The following VPS37A variants were observed in gnomAD, a reference collection of about 807,000 sequenced individuals.
VPS37A encodes VPS37A subunit of ESCRT-I, also known as vacuolar protein sorting-associated protein 37A.
A neutral mutation model predicts 49.8 loss-of-function variants in VPS37A; 30 were observed. The ratio of observed to expected loss-of-function variants is 0.60; its 90% confidence interval spans 0.45 to 0.82. The LOEUF is 0.82. Among genes scored for constraint, VPS37A ranks in the 40% least tolerant of loss-of-function variants. The pLI, the probability that VPS37A is intolerant of heterozygous loss-of-function variation, is 0.00. For synonymous variants in VPS37A, 195 were observed against 160.6 expected, an observed-to-expected ratio of 1.21 and a Z score of -1.62; for missense variants, 593 against 464.4, an observed-to-expected ratio of 1.28 and a Z score of -2.55.
chr8:17,276,887 A>G (rs1318628466), intron 6 of VPS37A, among the ~76,000 whole-genome samples: 1 of 152,148 alleles, frequency 6.6e-6, no homozygotes, highest in African/African-American at 2.4e-5. Flanking sequence ...TACAGATCCA[A>G]ACTTTTTTTC....
chr8:17,280,352 A>C lies in VPS37A; in HGVS notation c.901-23A>C, dbSNP rs1305285153. ...ACATAATTTAAAAATAGAATAAAAC[A>C]ACCTTTTCATTTTCTCTTTTAGTAT... is the stretch of plus-strand genomic sequence containing the variant. On this transcript the variant is annotated intron_variant, in intron 8 of 11. Transcript: ENST00000324849. The C allele has an allele frequency of 3.7e-6, 6 of 1,602,406 alleles. No homozygotes were observed. In the East Asian group the frequency reaches 1.3e-4, roughly 36 times the overall value.
intron 3 of VPS37A, 73 bp downstream of exon 3, chr8:17,268,445 T>C: frequency 1.7e-6 from 2 of 1,158,362 alleles, no homozygotes; most frequent in South Asian, 3.1e-5. Flanking sequence ...ATTTTAGAAA[T>C]CTGAAATGCA....
the VPS37A span, among the ~76,000 whole-genome samples, chr8:17,308,174 T>TA: frequency 6.6e-6 from 1 of 150,856 alleles, no homozygotes; most frequent in African/African-American, 2.4e-5. Flanking sequence ...TTACTGCAAA[T>TA]CAAAAAAAAA....
At chr8:17,250,395 T>A (rs1811862755) in intron 1 of VPS37A, among the ~76,000 whole-genome samples, 1 of 152,184 alleles carries the variant, frequency 6.6e-6, no homozygotes, top group African/African-American at 2.4e-5. Context: ...ATTCTAAAGG[T>A]GTGGTGTGTA....
downstream of VPS37A, chr8:17,305,753 T>C (rs1405011691): frequency 6.2e-7 from 1 of 1,602,864 alleles, no homozygotes; most frequent in South Asian, 1.1e-5. Flanking sequence ...ACCAAAACAC[T>C]TACTTGAGTT....
intron 1 of VPS37A, among the ~76,000 whole-genome samples, chr8:17,261,967 T>C (rs545885683): frequency 6.6e-6 from 1 of 152,330 alleles, no homozygotes; most frequent in African/African-American, 2.4e-5. Context: ...CTCATGATGC[T>C]TCTGGTGAGT....
intron 1 of VPS37A, among the ~76,000 whole-genome samples, chr8:17,265,080 C>G (rs868260744): frequency 6.6e-6 from 1 of 152,120 alleles, no homozygotes; most frequent in East Asian, 1.9e-4. Context: ...TTGACAGTTG[C>G]ATAGTCATCA....
chr8:17,298,991 TCA>T (rs1816921579), downstream of VPS37A: 1 of 152,200 alleles, frequency 6.6e-6, no homozygotes. Context: ...GGATTTTCAC[TCA>T]CAGATGTTTT....
intron 1 of VPS37A, among the ~76,000 whole-genome samples, chr8:17,263,253 T>C (rs924718804): frequency 6.6e-6 from 1 of 152,030 alleles, no homozygotes; most frequent in Non-Finnish European, 1.5e-5. Context: ...TTTGGCAACT[T>C]TTTTTTAATG....
rs1330852667 is a variant in VPS37A, at chr8:17,296,193, A to G, written c.*1207A>G. The G allele has an allele frequency of 6.6e-6, 1 of 152,190 alleles. No homozygotes were observed. Among genetic ancestry groups the G allele is most frequent in the Non-Finnish European group, 1.5e-5 (1 of 68,018 alleles). 9.4% of individuals were successfully genotyped at this position (152,190 alleles called of 1,614,324 possible). ...TGTACATGTTTTTGGCAATAAAGTT[A>G]TAGGAAGAACAAAATTATTTTGTTA... On this transcript the variant is annotated 3_prime_UTR_variant, in exon 12 of 12. Coordinates refer to ENST00000324849, the MANE Select transcript of VPS37A (RefSeq NM_152415.3).
downstream of VPS37A, among the ~76,000 whole-genome samples, chr8:17,300,879 AT>A (rs1388553935): frequency 6.6e-6 from 1 of 152,182 alleles, no homozygotes; most frequent in Non-Finnish European, 1.5e-5. Flanking sequence ...CAACATGTGG[AT>A]TTTTGTATCT....
chr8:17,274,804 C>T lies in VPS37A; in HGVS notation c.488C>T (p.Pro163Leu), dbSNP rs146976055. The T allele has an allele frequency of 6.2e-7, 1 of 1,614,158 alleles. No individual in the cohort carries two copies. The highest frequency in any genetic ancestry group is 8.5e-7 in the Non-Finnish European group (1 of 1,180,008). ...QGFPFLPPYP[P>L]QEANRSITSL... ...TTTCCATTTCTTCCTCCATATCCTC[C>T]ACAAGAAGCAAACAGGAGTATCACT... Residue 163 changes from proline (P) to leucine (L), a missense_variant, in exon 5 of 12, where the codon CCA becomes CTA. Physicochemically the swap from Pro to Leu is moderately conservative, Grantham distance 98. Transcript: ENST00000324849.
At chr8:17,260,435 T>C (rs1812867403) in intron 1 of VPS37A, among the ~76,000 whole-genome samples, 1 of 152,148 alleles carries the variant, frequency 6.6e-6, no homozygotes, top group South Asian at 2.1e-4. Context: ...GTAGCTATTG[T>C]TGTTTTTGAT....
Position 17,257,711 on chromosome 8 carries a change from G to T in VPS37A, c.126-8196G>T, listed in dbSNP as rs1206949191. Among the ~76,000 whole-genome samples, 2 of 152,180 alleles carry T rather than the reference G, an allele frequency of 1.3e-5. 1 individual carries two copies. The highest frequency in any genetic ancestry group is 4.1e-4 in the South Asian group (2 of 4,834). On this transcript the variant is annotated intron_variant, in intron 1 of 11. Coordinates refer to ENST00000324849, the MANE Select transcript of VPS37A (RefSeq NM_152415.3). ...TTTTGCTAGGGATTGCTCCAAATCT[G>T]TAATTTGCTTTGGGTAGTATTGTCA...
the VPS37A span, among the ~76,000 whole-genome samples, chr8:17,319,330 T>G: frequency 3.3e-5 from 5 of 152,134 alleles, no homozygotes; most frequent in Admixed American, 1.3e-4. Flanking sequence ...TAAAGAAGAT[T>G]CCCGAAAATG....
chr8:17,311,046 G>A, the VPS37A span, among the ~76,000 whole-genome samples: 4 of 152,146 alleles, frequency 2.6e-5, no homozygotes, highest in African/African-American at 7.2e-5. Context: ...TTCTCATCCA[G>A]GGGTGTGAAG....
At chr8:17,267,016 C>G (rs1416388486) in intron 2 of VPS37A, among the ~76,000 whole-genome samples, 3 of 152,084 alleles carry the variant, frequency 2.0e-5, no homozygotes, top group Non-Finnish European at 4.4e-5. Context: ...CGTGATACAC[C>G]CGCCTCGGCC....
intron 1 of VPS37A, among the ~76,000 whole-genome samples, chr8:17,259,170 G>T (rs571410780): frequency 6.6e-6 from 1 of 151,890 alleles, no homozygotes; most frequent in African/African-American, 2.4e-5. Context: ...TAATTGGGTT[G>T]TTTATTTGAA....
At chr8:17,272,561 A>G (rs1814093849) in intron 4 of VPS37A, among the ~76,000 whole-genome samples, 2 of 152,148 alleles carry the variant, frequency 1.3e-5, no homozygotes, top group African/African-American at 2.4e-5. Context: ...TTCTTAGATT[A>G]TTTTGTGGGT....
Sources: gnomAD v4.1 joint callset for allele counts (sites outside exome capture counted in the v4.1 genomes callset) on GRCh38, gnomAD v4.1.1 for gene constraint, MANE v1.5 for transcripts, NCBI Gene and HGNC (gene_info 2026-07-23, HGNC 2026-07-21) for gene names.